The following TMED10 variants were observed in gnomAD, a reference collection of about 807,000 sequenced individuals.
The protein encoded by TMED10 is transmembrane emp24 domain-containing protein 10.
TMED10 carries 7 observed loss-of-function variants against 23.1 expected under a neutral mutation model. That is an observed-to-expected ratio of 0.30 (90% CI 0.17 to 0.57). The LOEUF is 0.57. Among genes scored for constraint, TMED10 ranks in the 20% least tolerant of loss-of-function variants. The pLI, the probability that TMED10 is intolerant of heterozygous loss-of-function variation, is 0.91. For missense variants in TMED10, 162 were observed against 274.8 expected (o/e 0.59, Z 2.90); for synonymous variants, 113 against 106.9 (o/e 1.06, Z -0.35).
chr14:75,154,351 G>A lies in TMED10; in HGVS notation c.226-2208C>T, dbSNP rs1348296749. Among the ~76,000 whole-genome samples the A allele has an allele frequency of 6.9e-5, 8 of 115,860 alleles. 1 individual carries two copies. The South Asian group carries it at 1.5e-3, about 22-fold the overall frequency. The allele number at this position is 115,860 out of a possible 152,430, so 76.0% of individuals were successfully genotyped here. On this transcript the variant is annotated intron_variant, in intron 1 of 4. Transcript: ENST00000303575. ...CGGGAGGCAGAAGTTGCGGTGAGCC[G>A]AGACTGTGCCACTGCACTCCAGCCT...
In TMED10 at chr14:75,134,867, G is replaced by A; in HGVS notation, c.*18C>T. ...TGCTGGCTGAGGTACAAGGTGGGAG[G>A]AGAATATGCCTCATTCATTACTCAA... On this transcript the variant is annotated 3_prime_UTR_variant, in exon 5 of 5. Coordinates refer to ENST00000303575, the MANE Select transcript of TMED10 (RefSeq NM_006827.6). 6.2e-7 allele frequency: 1 copy of A among 1,613,380 alleles called. No individual in the cohort carries two copies. Among genetic ancestry groups the A allele is most frequent in the South Asian group, 1.1e-5 (1 of 91,014 alleles).
At position 75,167,980 on chromosome 14, in the gene TMED10, T is replaced by C. The variant is rs372040194; in HGVS notation, c.225+8375A>G. On this transcript the variant is annotated intron_variant, in intron 1 of 4. Transcript: ENST00000303575. Reference sequence around the variant, plus strand: ...GCAGCAAAGTCTTTATACCTGACACTAGTTAGCCTGATTTAGCCTCACTTT... The same window carrying C: ...GCAGCAAAGTCTTTATACCTGACACCAGTTAGCCTGATTTAGCCTCACTTT... Among the ~76,000 whole-genome samples, 5 of 152,202 alleles carry C rather than the reference T, an allele frequency of 3.3e-5. No homozygotes were observed. In the East Asian group the frequency reaches 5.8e-4, roughly 18 times the overall value.
At chr14:75,137,543 C>T (rs1412762448) in intron 3 of TMED10, among the ~76,000 whole-genome samples, 15 of 149,364 alleles carry the variant, frequency 1.0e-4, no homozygotes, top group Non-Finnish European at 1.8e-4. Context: ...GGCGTGGTGG[C>T]GGGCGCCTGT....
intron 3 of TMED10, among the ~76,000 whole-genome samples, chr14:75,144,138 C>G (rs938918709): frequency 2.6e-5 from 4 of 152,180 alleles, no homozygotes; most frequent in Non-Finnish European, 5.9e-5. Context: ...GTGGGACACA[C>G]AGCCCAGGAG....
At chr14:75,142,679 ATTTATAG>A (rs1359917148) in intron 3 of TMED10, among the ~76,000 whole-genome samples, 1 of 152,134 alleles carries the variant, frequency 6.6e-6, no homozygotes, top group Non-Finnish European at 1.5e-5. Flanking sequence ...AATTAAAATG[ATTTATAG>A]TTTATATAGT....
At chr14:75,145,703 C>G (rs983278806) in intron 3 of TMED10, among the ~76,000 whole-genome samples, 1 of 152,134 alleles carries the variant, frequency 6.6e-6, no homozygotes, top group African/African-American at 2.4e-5. Flanking sequence ...AGGAGAATGG[C>G]GTGAACCCGG....
At chr14:75,140,123 G>T (rs1203197612) in intron 3 of TMED10, among the ~76,000 whole-genome samples, 1 of 152,102 alleles carries the variant, frequency 6.6e-6, no homozygotes, top group Non-Finnish European at 1.5e-5. Context: ...CCCTGATCTT[G>T]AACTTCCTAG....
chr14:75,169,457 A>C (rs1896203489), intron 1 of TMED10, among the ~76,000 whole-genome samples: 1 of 152,196 alleles, frequency 6.6e-6, no homozygotes. Context: ...CAGGAGTTTG[A>C]GACCAACCTG....
chr14:75,154,105 C>T (rs1440711739), intron 1 of TMED10, among the ~76,000 whole-genome samples: 1 of 149,700 alleles, frequency 6.7e-6, no homozygotes, highest in Non-Finnish European at 1.5e-5. Context: ...GGCGTGGTAG[C>T]TCTGCCAGGT....
intron 1 of TMED10, among the ~76,000 whole-genome samples, chr14:75,165,050 CG>C (rs1336476254): frequency 6.6e-6 from 1 of 151,790 alleles, no homozygotes; most frequent in Non-Finnish European, 1.5e-5. Context: ...TTAGATATGG[CG>C]GAAAGAGAGA....
chr14:75,172,657 A>G (rs1896249037), intron 1 of TMED10, among the ~76,000 whole-genome samples: 1 of 152,132 alleles, frequency 6.6e-6, no homozygotes, highest in African/African-American at 2.4e-5. Context: ...ATTGTGGTTT[A>G]TATTTTTAAA....
intron 1 of TMED10, among the ~76,000 whole-genome samples, chr14:75,174,711 A>AT (rs1189604229): frequency 2.6e-5 from 4 of 152,198 alleles, no homozygotes; most frequent in African/African-American, 9.6e-5. Context: ...CTACTTTAAC[A>AT]TAAGTTATGG....
chr14:75,174,987 C>T (rs1021112212), intron 1 of TMED10, among the ~76,000 whole-genome samples: 8 of 146,694 alleles, frequency 5.5e-5, no homozygotes, highest in Admixed American at 4.1e-4. Flanking sequence ...CTGCAGTGAG[C>T]CGAGATCGCG....
chr14:75,164,577 A>ATTTTTTTTTT (rs60845992), intron 1 of TMED10, among the ~76,000 whole-genome samples: 6 of 45,076 alleles, frequency 1.3e-4, no homozygotes, highest in African/African-American at 6.5e-4. Context: ...ATATATATAT[A>ATTTTTTTTTT]TTTTTTTTTT....
intron 1 of TMED10, among the ~76,000 whole-genome samples, chr14:75,162,269 C>T (rs2139852866): frequency 6.6e-6 from 1 of 152,016 alleles, no homozygotes. Flanking sequence ...TGTCTCAAAA[C>T]AAACAAACAA....
rs139419876 is a variant in TMED10, at chr14:75,171,469, G to A, written c.225+4886C>T. Among the ~76,000 whole-genome samples, 247 of 152,130 alleles carry A rather than the reference G, an allele frequency of 1.6e-3. 1 individual carries two copies. Among genetic ancestry groups the A allele is most frequent in the Admixed American group, 2.5e-3 (38 of 15,270 alleles). ...TAATTTTTGTATGTTTGGTGAAGAC[G>A]GGGTTTCACCATGTTGGCCAGGCTG... is the stretch of plus-strand genomic sequence containing the variant. On this transcript the variant is annotated intron_variant, in intron 1 of 4. Transcript: ENST00000303575.
intron 1 of TMED10, among the ~76,000 whole-genome samples, chr14:75,175,191 A>G (rs1896288244): frequency 6.6e-6 from 1 of 152,152 alleles, no homozygotes; most frequent in Non-Finnish European, 1.5e-5. Flanking sequence ...ATATCAAATT[A>G]TATTAATGTC....
intron 3 of TMED10, among the ~76,000 whole-genome samples, chr14:75,147,097 T>C (rs1383587852): frequency 9.2e-5 from 14 of 152,282 alleles, no homozygotes. Flanking sequence ...TAATGCCATA[T>C]GCTTCAGTGT....
At chr14:75,142,088 A>G (rs1049647331) in intron 3 of TMED10, among the ~76,000 whole-genome samples, 1 of 152,132 alleles carries the variant, frequency 6.6e-6, no homozygotes, top group African/African-American at 2.4e-5. Context: ...CAAATTATAC[A>G]TGTTTCATGA....
Sources: allele counts gnomAD v4.1 joint callset (sites outside exome capture counted in the v4.1 genomes callset), GRCh38; gene constraint gnomAD v4.1.1; transcripts MANE v1.5; gene names NCBI Gene and HGNC (gene_info 2026-07-23, HGNC 2026-07-21).